PCDH15: variants seen among roughly 807,000 people sequenced by gnomAD.
PCDH15 encodes the protein protocadherin related 15, also known as protocadherin-15.
PCDH15 carries 129 observed loss-of-function variants against 178.5 expected under a neutral mutation model. The ratio of observed to expected loss-of-function variants is 0.72; its 90% CI spans 0.63 to 0.84. PCDH15 has a LOEUF of 0.84. Ranked by LOEUF, PCDH15 falls within the 40% of genes least tolerant of loss-of-function variation. The pLI is 0.00. For missense variants in PCDH15, 2,230 were observed against 2,099.9 expected, an observed-to-expected ratio of 1.06 and a Z score of -1.21; for synonymous variants, 800 against 732.0, an observed-to-expected ratio of 1.09 and a Z score of -1.50.
intron 2 of PCDH15, among the ~76,000 whole-genome samples, chr10:55,065,149 C>G (rs11004721): frequency 0.48 from 73,563 of 151,748 alleles, 18,787 homozygotes; most frequent in East Asian, 0.75. Flanking sequence ...TAATGTCACT[C>G]CCCTGATTTC....
chr10:53,924,945 G>T (rs890167534), intron 25 of PCDH15, among the ~76,000 whole-genome samples: 3 of 152,138 alleles, frequency 2.0e-5, no homozygotes, highest in Admixed American at 2.0e-4. Context: ...GTCTAGCTCA[G>T]GGATTGTAAA....
intron 8 of PCDH15, among the ~76,000 whole-genome samples, chr10:54,246,878 T>C (rs2132015418): frequency 6.6e-6 from 1 of 152,032 alleles, no homozygotes; most frequent in Admixed American, 6.6e-5. Context: ...TATCTTATAG[T>C]TGCTTTAACT....
chr10:53,820,115 T>G (rs2076204678), intron 33 of PCDH15, 50 bp downstream of exon 33: 1 of 396,706 alleles, frequency 2.5e-6, no homozygotes, highest in South Asian at 1.3e-4. Flanking sequence ...GTGTAGATAT[T>G]AGCTTAGAAA....
chr10:54,298,442 T>C (rs2133202819), intron 8 of PCDH15, among the ~76,000 whole-genome samples: 1 of 152,256 alleles, frequency 6.6e-6, no homozygotes, highest in South Asian at 2.1e-4. Context: ...AAACCTACCT[T>C]GCTGGTTCAG....
At chr10:54,287,126 T>G (rs2059078215) in intron 8 of PCDH15, among the ~76,000 whole-genome samples, 1 of 152,222 alleles carries the variant, frequency 6.6e-6, no homozygotes, top group Admixed American at 6.5e-5. Flanking sequence ...TTTTTAATTT[T>G]TAGAGTTTCA....
chr10:54,895,691 T>C (rs560027309), intron 3 of PCDH15, among the ~76,000 whole-genome samples: 39 of 152,280 alleles, frequency 2.6e-4, no homozygotes, highest in African/African-American at 8.9e-4. Flanking sequence ...TTTATTGCAA[T>C]TTGTCTTTCT....
At chr10:55,370,258 G>GA (rs572090800) in intron 2 of PCDH15, among the ~76,000 whole-genome samples, 1 of 151,912 alleles carries the variant, frequency 6.6e-6, no homozygotes, top group South Asian at 2.1e-4. Flanking sequence ...CACTGGCAAA[G>GA]AAAAAACACA....
intron 1 of PCDH15, among the ~76,000 whole-genome samples, chr10:54,762,392 T>C (rs770985898): frequency 3.9e-4 from 60 of 152,252 alleles, no homozygotes; most frequent in South Asian, 1.4e-3. Context: ...AAAAGTAGAT[T>C]GCAATATCTC....
At position 54,016,848 on chromosome 10, in the gene PCDH15, A is replaced by G. The variant is rs1336165926; in HGVS notation, c.2751+3344T>C. On this transcript the variant is annotated intron_variant, in intron 20 of 37. Transcript: ENST00000644397. ...ACCCTGTGACACACAATTTACCTGT[A>G]TAACAAACCACACATGTATCTATGA... Among the ~76,000 whole-genome samples, 5 of 152,226 alleles carry G rather than the reference A, an allele frequency of 3.3e-5. No individual in the cohort carries two copies. The East Asian group carries it at 9.6e-4, about 29-fold the overall frequency.
chr10:55,463,415 G>A (rs1353794017), intron 2 of PCDH15, among the ~76,000 whole-genome samples: 1 of 152,116 alleles, frequency 6.6e-6, no homozygotes, highest in African/African-American at 2.4e-5. Flanking sequence ...GAAGGCTGAG[G>A]AAGGAGGCTC....
rs56970359 is a variant in PCDH15, at chr10:55,077,438, T to C, written c.-80+89138A>G. ...TCCTTCCTTCCTTCCTTCCTTCCTT[T>C]CTTCCTTCCTTCCCTTCCTTCCTTC... On this transcript the variant is annotated intron_variant, in intron 2 of 5. Coordinates refer to the PCDH15 transcript ENST00000458638. 7.1e-3 allele frequency among the ~76,000 whole-genome samples: 529 copies of C among 74,538 alleles called. 1 individual carries two copies. The highest frequency in any genetic ancestry group is 0.03 in the African/African-American group (449 of 15,118). The allele number at this position is 74,538 out of a possible 152,430, so 48.9% of individuals were successfully genotyped here.
At chr10:54,169,125 G>A (rs1396031312) in intron 13 of PCDH15, among the ~76,000 whole-genome samples, 10 of 150,424 alleles carry the variant, frequency 6.6e-5, no homozygotes, top group Admixed American at 2.0e-4. Context: ...ACTGAAAATC[G>A]GACTGTTCAA....
At chr10:54,449,849 G>A (rs1016679445) in intron 3 of PCDH15, among the ~76,000 whole-genome samples, 5 of 151,586 alleles carry the variant, frequency 3.3e-5, no homozygotes, top group Admixed American at 6.6e-5. Context: ...GAGGTAGGGC[G>A]GCAGGTCCTG....
intron 1 of PCDH15, among the ~76,000 whole-genome samples, chr10:54,796,229 T>TCTAC (rs1240907206): frequency 2.6e-5 from 2 of 78,196 alleles, no homozygotes; most frequent in African/African-American, 1.3e-4. Flanking sequence ...ACATTATCTA[T>TCTAC]CTATCTATCT....
At chr10:54,509,673 A>G (rs2081474053) in intron 3 of PCDH15, among the ~76,000 whole-genome samples, 1 of 152,096 alleles carries the variant, frequency 6.6e-6, no homozygotes, top group South Asian at 2.1e-4. Flanking sequence ...TCTTTGCTGT[A>G]CACTTTCTTG....
At chr10:55,561,484 T>C (rs1162677722) in intron 2 of PCDH15, among the ~76,000 whole-genome samples, 2 of 151,908 alleles carry the variant, frequency 1.3e-5, no homozygotes, top group African/African-American at 4.8e-5. Flanking sequence ...TTATGAATGA[T>C]AATAATATTT....
chr10:55,296,921 T>A (rs1330633136), intron 1 of PCDH15, among the ~76,000 whole-genome samples: 1 of 152,166 alleles, frequency 6.6e-6, no homozygotes, highest in Non-Finnish European at 1.5e-5. Flanking sequence ...TAACTTCTGT[T>A]GTTCTATTTT....
intron 28 of PCDH15, among the ~76,000 whole-genome samples, chr10:53,840,806 G>T (rs2077597961): frequency 6.6e-6 from 1 of 152,098 alleles, no homozygotes; most frequent in African/African-American, 2.4e-5. Flanking sequence ...TACAAATAAA[G>T]CTGTCTATGC....
chr10:55,555,025 TC>T (rs1842064660), intron 2 of PCDH15, among the ~76,000 whole-genome samples: 1 of 152,090 alleles, frequency 6.6e-6, no homozygotes. Context: ...AATTACTTCT[TC>T]CTTACTATTT....
Sources: allele counts gnomAD v4.1 joint callset (sites outside exome capture counted in the v4.1 genomes callset), GRCh38; gene constraint gnomAD v4.1.1; transcripts MANE v1.5; gene names NCBI Gene and HGNC (gene_info 2026-07-23, HGNC 2026-07-21).